Variants in NME7 observed in about 807,000 individuals in gnomAD.
NME7 encodes the protein NME/NM23 family member 7.
In NME7, 41 loss-of-function variants were observed where a neutral mutation model predicts 49.1. The observed-to-expected ratio is 0.83, with a 90% confidence interval of 0.65 to 1.08. NME7 has a LOEUF of 1.08. Among genes scored for constraint, NME7 ranks in the 50% least tolerant of loss-of-function variants. The pLI, the probability that NME7 is intolerant of heterozygous loss-of-function variation, is 0.00. For synonymous variants in NME7, 139 were observed against 150.6 expected, an observed-to-expected ratio of 0.92 and a Z score of 0.56; for missense variants, 423 against 463.4, an observed-to-expected ratio of 0.91 and a Z score of 0.80.
chr1:169,301,056 A>T (rs1650916776), intron 5 of NME7, among the ~76,000 whole-genome samples: 1 of 152,192 alleles, frequency 6.6e-6, no homozygotes, highest in Non-Finnish European at 1.5e-5. Flanking sequence ...CCTCAAAAGT[A>T]ATGGCAACGA....
At chr1:169,318,457 G>C (rs1328063374) in intron 3 of NME7, among the ~76,000 whole-genome samples, 1 of 152,074 alleles carries the variant, frequency 6.6e-6, no homozygotes, top group Non-Finnish European at 1.5e-5. Context: ...GGTAAGATTA[G>C]GTCCCCATGT....
chr1:169,298,493 T>A, intron 6 of NME7, 63 bp downstream of exon 6: 4 of 1,516,248 alleles, frequency 2.6e-6, no homozygotes. Flanking sequence ...AGAAATGCTT[T>A]CCTTTGATAT....
intron 6 of NME7, among the ~76,000 whole-genome samples, chr1:169,289,000 T>C (rs1189042753): frequency 6.6e-6 from 1 of 151,094 alleles, no homozygotes; most frequent in Non-Finnish European, 1.5e-5. Flanking sequence ...CACAACAAAA[T>C]TCAAAAGAAA....
intron 1 of NME7, among the ~76,000 whole-genome samples, chr1:169,355,750 T>C (rs1468549948): frequency 6.6e-6 from 1 of 151,430 alleles, no homozygotes; most frequent in Non-Finnish European, 1.5e-5. Flanking sequence ...TACCAACTTC[T>C]TCACTCTCTG....
rs141768033 is a variant in NME7, at chr1:169,210,272, T to C, written c.990+20446A>G. 6.2e-3 allele frequency among the ~76,000 whole-genome samples: 940 copies of C among 152,310 alleles called. 10 individuals are homozygous for C. The highest frequency in any genetic ancestry group is 0.021 in the African/African-American group (885 of 41,582). ...GTTTTATTCCTAAGACTTTTCTATATTCTCCACTACACTAGAAGATATGCC... is the reference window on the plus strand; with the variant it reads ...GTTTTATTCCTAAGACTTTTCTATACTCTCCACTACACTAGAAGATATGCC... On this transcript the variant is annotated intron_variant, in intron 10 of 11. Coordinates refer to ENST00000367811, the MANE Select transcript of NME7 (RefSeq NM_013330.5).
chr1:169,317,626 T>C (rs1032569495), intron 3 of NME7, among the ~76,000 whole-genome samples: 1 of 152,148 alleles, frequency 6.6e-6, no homozygotes, highest in African/African-American at 2.4e-5. Flanking sequence ...CCTAGGACAA[T>C]ATACAAAGCA....
chr1:169,141,589 C>G (rs991048430), intron 11 of NME7, among the ~76,000 whole-genome samples: 1 of 152,058 alleles, frequency 6.6e-6, no homozygotes, highest in African/African-American at 2.4e-5. Flanking sequence ...TCAATTAAAC[C>G]CAAGGAATTA....
intron 10 of NME7, among the ~76,000 whole-genome samples, chr1:169,180,282 G>A (rs1462874842): frequency 6.6e-6 from 1 of 152,190 alleles, no homozygotes; most frequent in African/African-American, 2.4e-5. Flanking sequence ...TAAACTCATA[G>A]CTAACAATGA....
chr1:169,198,474 T>C (rs1660451373), intron 10 of NME7, among the ~76,000 whole-genome samples: 2 of 152,158 alleles, frequency 1.3e-5, no homozygotes, highest in South Asian at 4.2e-4. Context: ...TATCATTTGA[T>C]GAAAGAATAA....
At chr1:169,287,117 A>G (rs923323012) in intron 7 of NME7, 186 bp downstream of exon 7, 32 of 497,588 alleles carry the variant, frequency 6.4e-5, no homozygotes, top group African/African-American at 6.2e-4. Flanking sequence ...AAATCCACAA[A>G]GAAAAGACAA....
intron 6 of NME7, among the ~76,000 whole-genome samples, chr1:169,294,037 T>A (rs1421137248): frequency 6.6e-6 from 1 of 152,078 alleles, no homozygotes; most frequent in Non-Finnish European, 1.5e-5. Flanking sequence ...TAATATTACA[T>A]CCAGTACAAA....
chr1:169,136,363 CAT>C (rs1487310571), intron 11 of NME7, among the ~76,000 whole-genome samples: 2 of 152,140 alleles, frequency 1.3e-5, no homozygotes, highest in Non-Finnish European at 2.9e-5. Context: ...GAAAATGAAA[CAT>C]AATAGATGGA....
At chr1:169,355,411 C>A (rs1231243216) in intron 1 of NME7, among the ~76,000 whole-genome samples, 1 of 132,780 alleles carries the variant, frequency 7.5e-6, no homozygotes. Context: ...TGCTATGTAC[C>A]CATAAAAATT....
At chr1:169,332,404 G>T (rs1199590743) in intron 1 of NME7, among the ~76,000 whole-genome samples, 1 of 152,122 alleles carries the variant, frequency 6.6e-6, no homozygotes, top group East Asian at 1.9e-4. Flanking sequence ...TAGGACATTG[G>T]TCTGGGCAAA....
chr1:169,132,787 A>AATT lies in NME7; in HGVS notation c.1126_1128dup (p.Asn376dup). On this transcript the variant is annotated inframe_insertion, in exon 12 of 12. Transcript: ENST00000367811. The stretch of plus-strand genomic sequence containing the variant: ...TGACTTCTTTACTTTCCACACCACT[A>AATT]ATTATCCAAGATCTTGAAGAAGTAT... 1 of 1,613,154 alleles carries AATT rather than the reference A, an allele frequency of 6.2e-7. No homozygotes were observed. Among genetic ancestry groups the AATT allele is most frequent in the Admixed American group, 1.7e-5 (1 of 59,916 alleles).
At chr1:169,329,191 AATCTGATCT>A (rs1282097186) in intron 1 of NME7, among the ~76,000 whole-genome samples, 1,770 of 151,778 alleles carry the variant, frequency 0.012, 36 homozygotes, top group African/African-American at 0.041. Context: ...ACAAAAAAAA[AATCTGATCT>A]AATTTTTTTC....
intron 6 of NME7, among the ~76,000 whole-genome samples, chr1:169,298,267 A>T (rs1329246835): frequency 1.3e-5 from 2 of 152,184 alleles, no homozygotes; most frequent in Non-Finnish European, 2.9e-5. Context: ...ACATGAATTC[A>T]ATAATTCAAA....
chr1:169,260,582 G>GA (rs771309761), intron 7 of NME7, among the ~76,000 whole-genome samples: 2,310 of 112,870 alleles, frequency 0.02, 252 homozygotes, highest in African/African-American at 0.06. Context: ...TTGGGTAGAA[G>GA]AAAAAAAAAA....
intron 10 of NME7, among the ~76,000 whole-genome samples, chr1:169,170,811 C>G (rs1659564020): frequency 6.6e-6 from 1 of 151,944 alleles, no homozygotes; most frequent in African/African-American, 2.4e-5. Flanking sequence ...CCTGTAATAC[C>G]AGATATTTAG....
Sources: gnomAD v4.1 joint callset for allele counts (sites outside exome capture counted in the v4.1 genomes callset) on GRCh38, gnomAD v4.1.1 for gene constraint, MANE v1.5 for transcripts, NCBI Gene and HGNC (gene_info 2026-07-23, HGNC 2026-07-21) for gene names.